Variants in CDH12 observed in about 807,000 individuals in gnomAD.
CDH12 encodes cadherin-12.
In CDH12, 41 loss-of-function variants were observed where a neutral mutation model predicts 74.1. The observed-to-expected ratio is 0.55, with a 90% CI of 0.43 to 0.72. CDH12 has a LOEUF of 0.72. Among genes scored for constraint, CDH12 ranks in the 30% least tolerant of loss-of-function variants. The probability of loss-of-function intolerance (pLI) is 0.00; values close to 1 mark genes in which losing one functional copy is unlikely to be tolerated. For missense variants in CDH12, 945 were observed against 977.2 expected (o/e 0.97, Z 0.44); for synonymous variants, 399 against 355.0 (o/e 1.12, Z -1.39).
chr5:21,827,343 G>GA (rs149980857), intron 8 of CDH12, among the ~76,000 whole-genome samples: 37,527 of 151,812 alleles, frequency 0.25, 5,349 homozygotes, highest in East Asian at 0.41. Flanking sequence ...CACACTTGAG[G>GA]AAAGTTTCCC....
chr5:22,507,082 T>C (rs1736416948), intron 1 of CDH12, among the ~76,000 whole-genome samples: 1 of 152,140 alleles, frequency 6.6e-6, no homozygotes, highest in Non-Finnish European at 1.5e-5. Context: ...ACATTTATTT[T>C]CATTCGTTTC....
intron 3 of CDH12, among the ~76,000 whole-genome samples, chr5:22,218,480 T>G (rs1751901077): frequency 6.6e-6 from 1 of 151,858 alleles, no homozygotes; most frequent in African/African-American, 2.4e-5. Flanking sequence ...CAGAAACAAA[T>G]ACATTACTAA....
At chr5:22,126,007 G>GA (rs1222778932) in intron 4 of CDH12, among the ~76,000 whole-genome samples, 1 of 142,434 alleles carries the variant, frequency 7.0e-6, no homozygotes, top group Non-Finnish European at 1.5e-5. Flanking sequence ...TTTTGGGGGG[G>GA]GGACAAATTC....
intron 1 of CDH12, among the ~76,000 whole-genome samples, chr5:22,747,949 ATT>A (rs1422058901): frequency 1.3e-5 from 2 of 152,214 alleles, no homozygotes; most frequent in Admixed American, 1.3e-4. Flanking sequence ...ATCTAAATAA[ATT>A]TGAGTAGAGA....
At position 22,448,744 on chromosome 5, in the gene CDH12, T is replaced by C. The variant is rs1345461420; in HGVS notation, c.-427-43393A>G. On this transcript the variant is annotated intron_variant, in intron 2 of 14. Transcript: ENST00000382254. ...GTAAAAGTAAAAGAAAACAGTCTTA[T>C]CCTGGATACAAAGAGTATATATTTC... is the stretch of plus-strand genomic sequence containing the variant. Among the ~76,000 whole-genome samples, 8 of 152,114 alleles carry C rather than the reference T, an allele frequency of 5.3e-5. No homozygotes were observed. In the East Asian group the frequency reaches 1.4e-3, roughly 26 times the overall value.
At chr5:22,756,098 G>GA (rs60067455) in intron 1 of CDH12, among the ~76,000 whole-genome samples, 4,645 of 87,052 alleles carry the variant, frequency 0.053, 160 homozygotes, top group Admixed American at 0.15. Flanking sequence ...TTCAAGGACC[G>GA]AAAAAAAAAA....
chr5:22,760,513 T>C (rs1232378573), intron 1 of CDH12, among the ~76,000 whole-genome samples: 2 of 151,820 alleles, frequency 1.3e-5, no homozygotes, highest in South Asian at 2.1e-4. Flanking sequence ...ACACCATTGT[T>C]ACTAAAAATA....
At chr5:22,821,223 T>C (rs569429538) in intron 1 of CDH12, among the ~76,000 whole-genome samples, 2 of 152,290 alleles carry the variant, frequency 1.3e-5, no homozygotes, top group Non-Finnish European at 2.9e-5. Flanking sequence ...TAGGTATTGA[T>C]GGGATGTATC....
chr5:22,105,496 G>A (rs973044966), intron 4 of CDH12, among the ~76,000 whole-genome samples: 25 of 150,700 alleles, frequency 1.7e-4, no homozygotes, highest in Admixed American at 2.6e-4. Context: ...TCAGGGGTTC[G>A]AGACCAGCCT....
Position 22,836,373 on chromosome 5 carries a change from A to G in CDH12, c.-523+16685T>C, listed in dbSNP as rs1421498492. Among the ~76,000 whole-genome samples the G allele has an allele frequency of 2.6e-5, 4 of 151,200 alleles. No homozygotes were observed. In the South Asian group the frequency reaches 6.3e-4, roughly 24 times the overall value. The stretch of plus-strand genomic sequence containing the variant: ...TGAGTAGCTGGGACTACAGTCATGC[A>G]CCACCATTCTCGGCTAATTTTTTTT... On this transcript the variant is annotated intron_variant, in intron 1 of 14. Coordinates refer to ENST00000382254, the MANE Select transcript of CDH12 (RefSeq NM_004061.5).
chr5:22,217,729 A>G (rs1751863441), intron 3 of CDH12, among the ~76,000 whole-genome samples: 1 of 151,802 alleles, frequency 6.6e-6, no homozygotes, highest in Admixed American at 6.6e-5. Context: ...ACACATTTTT[A>G]GCAATGATTT....
At chr5:22,262,817 G>A (rs915798180) in intron 3 of CDH12, among the ~76,000 whole-genome samples, 5 of 152,048 alleles carry the variant, frequency 3.3e-5, no homozygotes, top group Admixed American at 6.6e-5. Flanking sequence ...TCTAACTGGT[G>A]TGAGATGGTA....
intron 1 of CDH12, among the ~76,000 whole-genome samples, chr5:22,665,644 C>A (rs750045728): frequency 3.3e-5 from 5 of 152,104 alleles, no homozygotes; most frequent in Non-Finnish European, 7.3e-5. Flanking sequence ...CTCCCTCGGC[C>A]TCCATCCCAC....
At chr5:21,943,546 A>G (rs1428974752) in intron 6 of CDH12, among the ~76,000 whole-genome samples, 1 of 152,202 alleles carries the variant, frequency 6.6e-6, no homozygotes, top group African/African-American at 2.4e-5. Context: ...ACACACAAAA[A>G]GGTCATCTGG....
chr5:21,883,269 T>G, intron 6 of CDH12: 3 of 1,378,100 alleles, frequency 2.2e-6, no homozygotes. Flanking sequence ...TATTTCTCCA[T>G]ACTTTATTAA....
chr5:22,753,511 A>G (rs1745714767), intron 1 of CDH12, among the ~76,000 whole-genome samples: 1 of 148,266 alleles, frequency 6.7e-6, no homozygotes, highest in Non-Finnish European at 1.5e-5. Flanking sequence ...TTCTCAATGC[A>G]AAACAAAGCC....
intron 7 of CDH12, among the ~76,000 whole-genome samples, chr5:21,844,142 T>A (rs185421196): frequency 6.6e-6 from 1 of 152,270 alleles, no homozygotes; most frequent in Non-Finnish European, 1.5e-5. Flanking sequence ...GGGATCCAGT[T>A]AGATTAAAAC....
intron 2 of CDH12, among the ~76,000 whole-genome samples, chr5:22,485,764 G>A (rs936856444): frequency 5.9e-5 from 9 of 152,130 alleles, no homozygotes; most frequent in African/African-American, 1.9e-4. Context: ...CCAAATAATA[G>A]AGGAAAACAC....
intron 2 of CDH12, among the ~76,000 whole-genome samples, chr5:22,420,750 G>A (rs951726380): frequency 6.6e-6 from 1 of 152,010 alleles, no homozygotes; most frequent in African/African-American, 2.4e-5. Flanking sequence ...TAGTTTAATG[G>A]GAATATCATT....
Sources: allele counts gnomAD v4.1 joint callset (sites outside exome capture counted in the v4.1 genomes callset), GRCh38; gene constraint gnomAD v4.1.1; transcripts MANE v1.5; gene names NCBI Gene and HGNC (gene_info 2026-07-23, HGNC 2026-07-21).